Variants in SNRNP70 observed in about 807,000 individuals in gnomAD.
SNRNP70 encodes the protein U1 small nuclear ribonucleoprotein 70 kDa.
A neutral mutation model predicts 50.5 loss-of-function variants in SNRNP70; 8 were observed. That is an observed-to-expected ratio of 0.16 (90% CI 0.09 to 0.29). The LOEUF is 0.29. SNRNP70 is among the 10% of genes least tolerant of loss of function. The pLI is 1.00. For missense variants in SNRNP70, 529 were observed against 663.5 expected (o/e 0.80, Z 2.23); for synonymous variants, 320 against 252.9 (o/e 1.27, Z -2.52).
At chr19:49,100,799 CTG>C (rs1386281671) in intron 6 of SNRNP70, among the ~76,000 whole-genome samples, 75 of 117,302 alleles carry the variant, frequency 6.4e-4, no homozygotes, top group African/African-American at 2.2e-3. Flanking sequence ...GAGCAAGACT[CTG>C]TCTCCAAAAA....
chr19:49,107,984 C>G lies in SNRNP70; in HGVS notation c.855C>G (p.Asp285Glu). Residue 285 changes from aspartate (D) to glutamate (E), a missense_variant, in exon 10 of 10, where the codon GAC becomes GAG. Transcript: ENST00000598441. This position sits in a 1 kb window ranked among gnomAD's most constrained non-coding sequence, Gnocchi z 6.0. ...RRSRERSKDK[D>E]RDRKRRSSRS... is the part of the protein sequence containing the mutation. ...CCAGGGAGCGGAGCAAGGACAAGGACCGGGACCGGAAGCGGCGAAGCAGCC... is the reference window on the plus strand; with the variant it reads ...CCAGGGAGCGGAGCAAGGACAAGGAGCGGGACCGGAAGCGGCGAAGCAGCC... The G allele has an allele frequency of 1.9e-6, 3 of 1,548,024 alleles. No individual in the cohort carries two copies. Among genetic ancestry groups the G allele is most frequent in the Non-Finnish European group, 2.6e-6 (3 of 1,146,156 alleles).
Position 49,086,573 on chromosome 19 carries a change from G to A in SNRNP70, c.147+12G>A. On this transcript the variant is annotated intron_variant, in intron 2 of 9. Transcript: ENST00000598441. ...TTCGAGAGTTTGAGGTGAGTTCACT[G>A]AGCAGGCCAGGAATGGTTTGGGTTC... 6.2e-7 allele frequency: 1 copy of A among 1,613,480 alleles called. No homozygotes were observed. The highest frequency in any genetic ancestry group is 8.5e-7 in the Non-Finnish European group (1 of 1,179,606).
In SNRNP70 at chr19:49,104,663, A is replaced by G. The variant is rs2040641723; in HGVS notation, c.505A>G (p.Ile169Val). 1 of 1,560,528 alleles carries G rather than the reference A, an allele frequency of 6.4e-7. No individual in the cohort carries two copies. The highest frequency in any genetic ancestry group is 8.7e-7 in the Non-Finnish European group (1 of 1,151,882). Residue 169 changes from isoleucine (I) to valine (V), a missense_variant, in exon 8 of 10, where the codon ATT (isoleucine) becomes GTT (valine). Coordinates refer to ENST00000598441, the MANE Select transcript of SNRNP70 (RefSeq NM_003089.6). This position sits in a 1 kb window ranked among gnomAD's most constrained non-coding sequence, Gnocchi z 5.4. ...TTACAAACACGCAGATGGCAAGAAG[A>G]TTGATGGCAGGAGGGTCCTTGTGGA... is the stretch of plus-strand genomic sequence containing the variant. ...SAYKHADGKKIDGRRVLVDVE... is the reference protein window; with the variant it reads ...SAYKHADGKKVDGRRVLVDVE...
chr19:49,092,836 A>G (rs1464408707), intron 4 of SNRNP70, among the ~76,000 whole-genome samples: 1 of 151,360 alleles, frequency 6.6e-6, no homozygotes, highest in Non-Finnish European at 1.5e-5. Context: ...CCTGGGCTCA[A>G]GTGATCCTCT....
intron 4 of SNRNP70, among the ~76,000 whole-genome samples, chr19:49,092,911 T>G (rs556557827): frequency 8.0e-5 from 11 of 137,124 alleles, no homozygotes; most frequent in Non-Finnish European, 1.1e-4. Context: ...CTTTTTTTTT[T>G]GTTGTGTTTT....
intron 7 of SNRNP70, chr19:49,102,210 C>T (rs1340742632): frequency 2.3e-6 from 3 of 1,283,446 alleles, no homozygotes; most frequent in Non-Finnish European, 3.1e-6. Context: ...TAAGATCACT[C>T]AGCACCGCAC....
chr19:49,107,743 G>T lies in SNRNP70; in HGVS notation c.665+31G>T. The T allele has an allele frequency of 1.2e-6, 2 of 1,613,452 alleles. No individual in the cohort carries two copies. The highest frequency in any genetic ancestry group is 1.7e-6 in the Non-Finnish European group (2 of 1,179,860). On this transcript the variant is annotated intron_variant, in intron 9 of 9. Coordinates refer to ENST00000598441, the MANE Select transcript of SNRNP70 (RefSeq NM_003089.6). This position sits in a 1 kb window ranked among gnomAD's most constrained non-coding sequence, Gnocchi z 6.0. ...ATTGGGCGACCGGTGTCCTGGGGTG[G>T]GGGGCGGTCACGGGGGGAGCCCAGC...
chr19:49,096,681 C>T (rs1049488578), intron 4 of SNRNP70, among the ~76,000 whole-genome samples: 49 of 150,782 alleles, frequency 3.2e-4, no homozygotes, highest in African/African-American at 1.1e-3. Context: ...GCAGGAGAAT[C>T]GCTTGAACCC....
At chr19:49,095,404 G>A (rs2040500498) in intron 4 of SNRNP70, among the ~76,000 whole-genome samples, 1 of 152,196 alleles carries the variant, frequency 6.6e-6, no homozygotes, top group South Asian at 2.1e-4. Context: ...TTAAATGTTA[G>A]CATCTTGTGA....
chr19:49,096,409 C>T (rs2040514126), intron 4 of SNRNP70, among the ~76,000 whole-genome samples: 1 of 152,122 alleles, frequency 6.6e-6, no homozygotes, highest in African/African-American at 2.4e-5. Context: ...GAGTTGTTTT[C>T]AGACGTTTCC....
In SNRNP70 at chr19:49,104,523, G is replaced by T; in HGVS notation, c.476-111G>T. 1.2e-6 allele frequency: 1 copy of T among 802,610 alleles called. No individual in the cohort carries two copies. The highest frequency in any genetic ancestry group is 1.5e-5 in the South Asian group (1 of 67,810). The allele number at this position is 802,610 out of a possible 1,614,324, so 49.7% of individuals were successfully genotyped here. On this transcript the variant is annotated intron_variant, in intron 7 of 9. Transcript: ENST00000598441. The surrounding 1 kb of genome is among the most constrained non-coding windows in gnomAD (Gnocchi z 5.4). ...GCCTGGCTGTCTGTTGGGCGTGTGC[G>T]TGTGCGTGATGATGGGGACACGGGG...
At position 49,104,874 on chromosome 19, in the gene SNRNP70, CTT is replaced by C; in HGVS notation, c.577+140_577+141del. ...GCGTCCTCATCTCCGGCTTCTCTCTCTTGTGGCCATCACATTTCTGACAGCTG... is the reference window on the plus strand; with the variant it reads ...GCGTCCTCATCTCCGGCTTCTCTCTCGTGGCCATCACATTTCTGACAGCTG... On this transcript the variant is annotated intron_variant, in intron 8 of 9. Transcript: ENST00000598441. This position sits in a 1 kb window ranked among gnomAD's most constrained non-coding sequence, Gnocchi z 5.4. 5.1e-6 allele frequency: 3 copies of C among 588,440 alleles called. No homozygotes were observed. The highest frequency in any genetic ancestry group is 2.1e-5 in the South Asian group (1 of 46,994). 36.5% of individuals were successfully genotyped at this position (588,440 alleles called of 1,614,324 possible).
chr19:49,088,434 T>G lies in SNRNP70; in HGVS notation c.148-1857T>G, dbSNP rs558015640. ...CAGGATGGTCTTGATCTCCTGACCT[T>G]GTGATCTGCCCACTTTGGCCTTCCA... On this transcript the variant is annotated intron_variant, in intron 2 of 9. Transcript: ENST00000598441. Among the ~76,000 whole-genome samples the G allele has an allele frequency of 3.8e-4, 58 of 150,686 alleles. No individual in the cohort carries two copies. In the East Asian group the frequency reaches 0.011, roughly 28 times the overall value.
At position 49,098,634 on chromosome 19, in the gene SNRNP70, C is replaced by T; in HGVS notation, c.331-8C>T. On this transcript the variant is annotated splice_region_variant and splice_polypyrimidine_tract_variant and intron_variant, in intron 5 of 9. Transcript: ENST00000598441. ...CTCCCATTTAACGTCATATCCATCT[C>T]CTTGTAGAATTATGACACAACAGAA... 1 of 1,613,330 alleles carries T rather than the reference C, an allele frequency of 6.2e-7. No individual in the cohort carries two copies. The highest frequency in any genetic ancestry group is 8.5e-7 in the Non-Finnish European group (1 of 1,179,312).
intron 2 of SNRNP70, among the ~76,000 whole-genome samples, chr19:49,086,897 G>A (rs2040387868): frequency 6.6e-6 from 1 of 151,706 alleles, no homozygotes; most frequent in African/African-American, 2.4e-5. Flanking sequence ...TTTTTAAGTG[G>A]GGTTGTGGCC....
chr19:49,101,480 C>T lies in SNRNP70; in HGVS notation c.475+9C>T. ...CGAGCGAGACATGCACTGTGAGTAC[C>T]TCCCGCCGAGCCCTGCCCTCTGACC... On this transcript the variant is annotated intron_variant, in intron 7 of 9. Coordinates refer to ENST00000598441, the MANE Select transcript of SNRNP70 (RefSeq NM_003089.6). The T allele has an allele frequency of 6.2e-7, 1 of 1,606,928 alleles. No homozygotes were observed.
At position 49,086,274 on chromosome 19, in the gene SNRNP70, C is replaced by T. The variant is rs1170834952; in HGVS notation, c.-10-131C>T. 3.8e-6 allele frequency: 4 copies of T among 1,044,588 alleles called. No individual in the cohort carries two copies. In the African/African-American group the frequency reaches 6.5e-5, roughly 17 times the overall value. 64.7% of individuals were successfully genotyped at this position (1,044,588 alleles called of 1,614,324 possible). A position where few individuals can be genotyped will look rare whatever the true frequency, so the allele number is the denominator to read the frequency against. On this transcript the variant is annotated intron_variant, in intron 1 of 9. Transcript: ENST00000598441. The stretch of plus-strand genomic sequence containing the variant: ...TTTCTCCGCAACACAGGACTGTTCT[C>T]TGCCCTTACAGAGCCTGTTTTAATT...
intron 4 of SNRNP70, among the ~76,000 whole-genome samples, chr19:49,096,705 T>G (rs2040518288): frequency 1.3e-5 from 2 of 151,850 alleles, no homozygotes; most frequent in Admixed American, 1.3e-4. Flanking sequence ...AGGCGGAGGT[T>G]GCAGTAAGCC....
chr19:49,105,022 C>T (rs1323098830), intron 8 of SNRNP70, among the ~76,000 whole-genome samples: 2 of 152,156 alleles, frequency 1.3e-5, no homozygotes, highest in Non-Finnish European at 2.9e-5. Context: ...TCATTGTACT[C>T]CTCTTAGTGG....
Sources: gnomAD v4.1 joint callset for allele counts (sites outside exome capture counted in the v4.1 genomes callset) on GRCh38, gnomAD v4.1.1 for gene constraint, Gnocchi (gnomAD v3.1) non-coding constraint, MANE v1.5 for transcripts, NCBI Gene and HGNC (gene_info 2026-07-23, HGNC 2026-07-21) for gene names.